PROS1: variants seen among roughly 807,000 people sequenced by gnomAD.
PROS1 encodes the protein vitamin K-dependent protein S.
Under a neutral mutation model 75.9 loss-of-function variants are expected in PROS1, and 29 were observed. That is an observed-to-expected ratio of 0.38 (90% CI 0.28 to 0.52). PROS1 has a LOEUF of 0.52. PROS1 is among the 20% of genes least tolerant of loss of function. The pLI, the probability that PROS1 is intolerant of heterozygous loss-of-function variation, is 0.83. For synonymous variants in PROS1, 245 were observed against 280.6 expected, an observed-to-expected ratio of 0.87 and a Z score of 1.27; for missense variants, 680 against 810.3, an observed-to-expected ratio of 0.84 and a Z score of 1.95.
At chr3:93,876,787 T>TAAACA (rs1360042255) in intron 14 of PROS1, among the ~76,000 whole-genome samples, 179 bp downstream of exon 14, 1 of 151,870 alleles carries the variant, frequency 6.6e-6, no homozygotes, top group Non-Finnish European at 1.5e-5. Context: ...ATTTTTAAAC[T>TAAACA]AAACAAAACA....
At chr3:93,886,698 G>T (rs1464370029) in intron 10 of PROS1, among the ~76,000 whole-genome samples, 195 bp from the exon 11 acceptor site, 1 of 151,986 alleles carries the variant, frequency 6.6e-6, no homozygotes, top group Non-Finnish European at 1.5e-5. Flanking sequence ...ATTTAGGGTG[G>T]CAGCACGATC....
intron 4 of PROS1, among the ~76,000 whole-genome samples, 158 bp from the exon 5 acceptor site, chr3:93,906,301 C>T (rs1000180836): frequency 3.3e-5 from 5 of 152,120 alleles, no homozygotes; most frequent in Non-Finnish European, 5.9e-5. Context: ...AAAAGTGAGC[C>T]TATTAGGCAA....
At chr3:93,928,163 C>T (rs1472040803) in intron 1 of PROS1, among the ~76,000 whole-genome samples, 10 of 147,920 alleles carry the variant, frequency 6.8e-5, no homozygotes, top group East Asian at 2.0e-4. Flanking sequence ...TACTAGAATG[C>T]GCCACCACAT....
intron 1 of PROS1, among the ~76,000 whole-genome samples, chr3:93,938,848 G>C (rs1228325824): frequency 6.6e-6 from 1 of 152,052 alleles, no homozygotes; most frequent in Non-Finnish European, 1.5e-5. Flanking sequence ...GATCACCATG[G>C]GGATGCCTGC....
chr3:93,897,030 G>A (rs1288325204), intron 8 of PROS1, among the ~76,000 whole-genome samples: 1 of 151,978 alleles, frequency 6.6e-6, no homozygotes, highest in Non-Finnish European at 1.5e-5. Flanking sequence ...TAACAGTCAG[G>A]TATATTATCT....
chr3:93,897,722 T>C (rs554027505), intron 8 of PROS1, among the ~76,000 whole-genome samples: 1 of 152,192 alleles, frequency 6.6e-6, no homozygotes, highest in Non-Finnish European at 1.5e-5. Flanking sequence ...TTTTTTATGG[T>C]CTGCCTCATA....
intron 10 of PROS1, among the ~76,000 whole-genome samples, chr3:93,892,051 C>T (rs549568351): frequency 7.4e-4 from 112 of 152,094 alleles, no homozygotes; most frequent in African/African-American, 2.7e-3. Flanking sequence ...TTATGCCAGC[C>T]GGGTGTGGTT....
At chr3:93,887,198 G>A (rs900906422) in intron 10 of PROS1, among the ~76,000 whole-genome samples, 11 of 152,260 alleles carry the variant, frequency 7.2e-5, no homozygotes, top group Middle Eastern at 3.4e-3. Context: ...GATTACAGGC[G>A]TGAGCCACCG....
At chr3:93,928,482 T>C (rs1709059956) in intron 1 of PROS1, among the ~76,000 whole-genome samples, 1 of 146,538 alleles carries the variant, frequency 6.8e-6, no homozygotes. Context: ...TACAGTGAGC[T>C]GAGATCCTGC....
intron 1 of PROS1, among the ~76,000 whole-genome samples, chr3:93,970,621 G>A (rs1164607946): frequency 6.6e-6 from 1 of 152,058 alleles, no homozygotes; most frequent in Non-Finnish European, 1.5e-5. Context: ...GGGATTACAG[G>A]CATGAGCGGC....
chr3:93,937,628 A>T (rs1709205919), intron 1 of PROS1, among the ~76,000 whole-genome samples: 1 of 151,810 alleles, frequency 6.6e-6, no homozygotes, highest in Non-Finnish European at 1.5e-5. Context: ...CAGCCTCCCA[A>T]AGTACTGGGA....
At chr3:93,897,136 T>C (rs1383276856) in intron 8 of PROS1, among the ~76,000 whole-genome samples, 1 of 152,122 alleles carries the variant, frequency 6.6e-6, no homozygotes, top group Non-Finnish European at 1.5e-5. Context: ...ATTCACTCAT[T>C]CATTTATTAA....
chr3:93,883,523 G>T (rs1708303120), intron 12 of PROS1, among the ~76,000 whole-genome samples: 1 of 152,042 alleles, frequency 6.6e-6, no homozygotes, highest in African/African-American at 2.4e-5. Flanking sequence ...GAACCTGCAA[G>T]GTGGAGGTTG....
At chr3:93,944,274 C>T (rs767955179) in intron 1 of PROS1, among the ~76,000 whole-genome samples, 25 of 151,970 alleles carry the variant, frequency 1.6e-4, no homozygotes, top group African/African-American at 2.9e-4. Context: ...GAAAACACAA[C>T]GAAAAAATCA....
intron 3 of PROS1, among the ~76,000 whole-genome samples, chr3:93,918,581 G>A (rs962549678): frequency 5.3e-5 from 8 of 152,182 alleles, no homozygotes; most frequent in East Asian, 3.9e-4. Flanking sequence ...CTGATACGCC[G>A]CCTTTAAGAA....
chr3:93,908,245 A>G (rs1708705635), intron 4 of PROS1, among the ~76,000 whole-genome samples: 1 of 152,216 alleles, frequency 6.6e-6, no homozygotes, highest in African/African-American at 2.4e-5. Context: ...ACTATGTAAA[A>G]TAATGGTTTT....
intron 1 of PROS1, among the ~76,000 whole-genome samples, chr3:93,933,721 C>T (rs967143933): frequency 2.6e-5 from 4 of 152,224 alleles, no homozygotes; most frequent in African/African-American, 7.2e-5. Context: ...GTCAGCAGTT[C>T]GAGACTAGCC....
rs1709038623 is a variant in PROS1, at chr3:93,927,558, C to T, written c.77-151G>A. The T allele has an allele frequency of 1.1e-4, 104 of 905,474 alleles. 1 individual carries two copies. The South Asian group carries it at 1.8e-3, about 16-fold the overall frequency. 56.1% of individuals were successfully genotyped at this position (905,474 alleles called of 1,614,324 possible). ...TCGAACTAAGAAAAAAATGCAGATA[C>T]AGAAGCACGTTGGTTAACAATTCAG... On this transcript the variant is annotated intron_variant, in intron 1 of 14. Transcript: ENST00000394236.
intron 1 of PROS1, among the ~76,000 whole-genome samples, chr3:93,942,438 G>T (rs1709303841): frequency 6.6e-6 from 1 of 152,178 alleles, no homozygotes. Context: ...AAGGAAGCTG[G>T]AGTCATATAC....
Sources: allele counts gnomAD v4.1 joint callset (sites outside exome capture counted in the v4.1 genomes callset), GRCh38; gene constraint gnomAD v4.1.1; transcripts MANE v1.5; gene names NCBI Gene and HGNC (gene_info 2026-07-23, HGNC 2026-07-21).